GNPTAB: variants seen among roughly 807,000 people sequenced by gnomAD.
The protein encoded by GNPTAB is N-acetylglucosamine-1-phosphotransferase subunits alpha/beta.
GNPTAB carries 92 observed loss-of-function variants against 136.6 expected under a neutral mutation model. That is an observed-to-expected ratio of 0.67 (90% confidence interval 0.57 to 0.80). The LOEUF (loss-of-function observed/expected upper bound fraction) is 0.80. Ranked by LOEUF, GNPTAB falls within the 30% of genes least tolerant of loss-of-function variation. The probability of loss-of-function intolerance (pLI) is 0.00; values close to 1 mark genes in which losing one functional copy is unlikely to be tolerated. For synonymous variants in GNPTAB, 512 were observed against 535.1 expected, an observed-to-expected ratio of 0.96 and a Z score of 0.60; for missense variants, 1,343 against 1,501.8, an observed-to-expected ratio of 0.89 and a Z score of 1.75.
At chr12:101,816,261 C>A (rs1279087351) in intron 1 of GNPTAB, among the ~76,000 whole-genome samples, 3 of 152,106 alleles carry the variant, frequency 2.0e-5, no homozygotes, top group Non-Finnish European at 4.4e-5. Context: ...AGACTACCTA[C>A]AGAATGAGAA....
intron 1 of GNPTAB, among the ~76,000 whole-genome samples, chr12:101,806,013 TCAAA>T (rs1869915503): frequency 6.6e-6 from 1 of 152,230 alleles, no homozygotes; most frequent in African/African-American, 2.4e-5. Context: ...AATCACATTT[TCAAA>T]CAATCGTTTA....
At chr12:101,783,473 G>C (rs1377847026) in intron 5 of GNPTAB, among the ~76,000 whole-genome samples, 2 of 152,202 alleles carry the variant, frequency 1.3e-5, no homozygotes, top group East Asian at 3.9e-4. Flanking sequence ...TAAGGAAGCA[G>C]TTTGTGGTTC....
chr12:101,751,896 C>T (rs1043818571), intron 19 of GNPTAB, among the ~76,000 whole-genome samples: 2 of 152,036 alleles, frequency 1.3e-5, no homozygotes, highest in African/African-American at 4.8e-5. Flanking sequence ...GCTGAGATGC[C>T]TTATGCAAGT....
At chr12:101,756,496 C>G (rs1316944792) in intron 18 of GNPTAB, 1 of 398,736 alleles carries the variant, frequency 2.5e-6, no homozygotes, top group South Asian at 1.8e-5. Context: ...ATTGCTTGAG[C>G]CCACGAGGTC....
chr12:101,784,696 A>T (rs1251425228), intron 5 of GNPTAB, among the ~76,000 whole-genome samples: 6 of 150,890 alleles, frequency 4.0e-5, no homozygotes, highest in Admixed American at 2.6e-4. Context: ...AAAAAAAAGC[A>T]AGTCATAGGA....
rs556318081 is a variant in GNPTAB, at chr12:101,747,228, T to C, written c.3707A>G (p.Lys1236Arg). Residue 1236 changes from lysine to arginine, a missense_variant, in exon 21 of 21, where the codon AAG (lysine) becomes AGG (arginine). Transcript: ENST00000299314. ...SFFAEQLIAL[K>R]RKIFPRRRIH... ...CCTCCTTCTGGGAAATATCTTCCGC[T>C]TAAGTGCAATTAACTAAATGATGAA... 72 of 1,569,230 alleles carry C rather than the reference T, an allele frequency of 4.6e-5. No homozygotes were observed. The South Asian group carries it at 7.7e-4, about 17-fold the overall frequency.
At chr12:101,801,539 C>CAA (rs36066248) in intron 1 of GNPTAB, among the ~76,000 whole-genome samples, 6,781 of 42,428 alleles carry the variant, frequency 0.16, 1,393 homozygotes, top group Non-Finnish European at 0.24. Context: ...GACCCTGTCT[C>CAA]AAAAAAAAAA....
intron 1 of GNPTAB, among the ~76,000 whole-genome samples, chr12:101,803,803 G>A (rs950568582): frequency 1.1e-4 from 17 of 152,160 alleles, no homozygotes; most frequent in Non-Finnish European, 2.5e-4. Flanking sequence ...AACACTGTTA[G>A]ACAAAAGGAA....
intron 18 of GNPTAB, 54 bp downstream of exon 18, chr12:101,757,158 T>C (rs1452580523): frequency 1.0e-6 from 1 of 957,012 alleles, no homozygotes; most frequent in Non-Finnish European, 1.7e-6. Flanking sequence ...TTCTTTCCAG[T>C]CCTTTTATTC....
At position 101,760,035 on chromosome 12, in the gene GNPTAB, T is replaced by C. The variant is rs1166573346; in HGVS notation, c.3244A>G (p.Asn1082Asp). ...AAGTAACCCATTCCACTTACCAGGT[T>C]GGGATCATAGTAGGATTCCTGAGTT... ...PPTQESYYDP[N>D]LPPVTKSLVT... is the part of the protein sequence containing the mutation. Residue 1082 changes from asparagine (N) to aspartate (D), a missense_variant, in exon 16 of 21, where the codon AAC (asparagine) becomes GAC (aspartate). Coordinates refer to ENST00000299314, the MANE Select transcript of GNPTAB (RefSeq NM_024312.5). The C allele has an allele frequency of 2.5e-6, 4 of 1,584,450 alleles. No homozygotes were observed. The highest frequency in any genetic ancestry group is 3.5e-6 in the Non-Finnish European group (4 of 1,152,888).
rs74878382 is a variant in GNPTAB at position 101,829,727 on chromosome 12, T to C, written c.117+832A>G. On this transcript the variant is annotated intron_variant, in intron 1 of 20. Transcript: ENST00000299314. ...CAAATCTGGAGCTTTCTCACCCTTA[T>C]GGTAAGACATTTTTTCCCAGCCTCT... is the stretch of plus-strand genomic sequence containing the variant. Among the ~76,000 whole-genome samples the C allele has an allele frequency of 3.3e-5, 5 of 152,164 alleles. No individual in the cohort carries two copies. In the East Asian group the frequency reaches 5.8e-4, roughly 18 times the overall value.
At chr12:101,830,424 A>T in intron 1 of GNPTAB, 135 bp downstream of exon 1, 1 of 647,792 alleles carries the variant, frequency 1.5e-6, no homozygotes, top group Admixed American at 2.1e-5. Flanking sequence ...CAGGAGTTCG[A>T]GACCAGCCTG....
chr12:101,785,693 C>T (rs1868603172), intron 5 of GNPTAB: 2 of 285,010 alleles, frequency 7.0e-6, no homozygotes, highest in African/African-American at 2.2e-5. Flanking sequence ...CAGAACGCTA[C>T]CTAGTAGAGG....
intron 2 of GNPTAB, among the ~76,000 whole-genome samples, chr12:101,792,419 G>C (rs1217095848): frequency 2.6e-5 from 4 of 152,198 alleles, no homozygotes; most frequent in Admixed American, 2.6e-4. Flanking sequence ...TGATAGCTGA[G>C]TACTTACCAA....
chr12:101,793,705 G>A (rs1325771741), intron 2 of GNPTAB, among the ~76,000 whole-genome samples: 1 of 152,164 alleles, frequency 6.6e-6, no homozygotes, highest in African/African-American at 2.4e-5. Context: ...CAATGACACT[G>A]ACATAACTTT....
chr12:101,767,819 T>C, intron 11 of GNPTAB: 1 of 645,500 alleles, frequency 1.5e-6, no homozygotes, highest in Non-Finnish European at 2.8e-6. Flanking sequence ...GGTCTTACTA[T>C]GTTGCCCAAG....
chr12:101,824,428 A>ATATATATATATATATATT, intron 1 of GNPTAB, among the ~76,000 whole-genome samples: 1 of 84,062 alleles, frequency 1.2e-5, no homozygotes, highest in Non-Finnish European at 2.3e-5. Context: ...ATATATATAT[A>ATATATATATATATATATT]TATATTTTCT....
At chr12:101,762,718 T>C (rs945485673) in intron 13 of GNPTAB, among the ~76,000 whole-genome samples, 34 of 152,090 alleles carry the variant, frequency 2.2e-4, no homozygotes, top group African/African-American at 7.7e-4. Flanking sequence ...TCTCTATATA[T>C]AACTATACAT....
At chr12:101,771,705 G>A (rs1049613354) in intron 7 of GNPTAB, among the ~76,000 whole-genome samples, 30 of 152,350 alleles carry the variant, frequency 2.0e-4, no homozygotes, top group African/African-American at 7.2e-4. Flanking sequence ...CCATCTGAGA[G>A]CTGCAACCAC....
Sources: allele counts gnomAD v4.1 joint callset (sites outside exome capture counted in the v4.1 genomes callset), GRCh38; gene constraint gnomAD v4.1.1; transcripts MANE v1.5; gene names NCBI Gene and HGNC (gene_info 2026-07-23, HGNC 2026-07-21).